Variants in DPY19L3 observed in about 807,000 individuals in gnomAD.
DPY19L3 encodes the protein protein C-mannosyl-transferase DPY19L3.
Under a neutral mutation model 92.3 loss-of-function variants are expected in DPY19L3, and 51 were observed. That is an observed-to-expected ratio of 0.55 (90% CI 0.44 to 0.70). The LOEUF (loss-of-function observed/expected upper bound fraction) is 0.70. Among genes scored for constraint, DPY19L3 ranks in the 30% least tolerant of loss-of-function variants. The probability of loss-of-function intolerance (pLI) is 0.00; values close to 1 mark genes in which losing one functional copy is unlikely to be tolerated. For missense variants in DPY19L3, 706 were observed against 855.9 expected, an observed-to-expected ratio of 0.82 and a Z score of 2.18; for synonymous variants, 309 against 315.2, an observed-to-expected ratio of 0.98 and a Z score of 0.21.
chr19:32,427,277 G>A lies in DPY19L3; in HGVS notation c.238-5439G>A, dbSNP rs148275122. Among the ~76,000 whole-genome samples, 174 of 152,280 alleles carry A rather than the reference G, an allele frequency of 1.1e-3. 3 individuals are homozygous for A. The Middle Eastern group carries it at 0.051, about 45-fold the overall frequency. The stretch of plus-strand genomic sequence containing the variant: ...TCTAAAGTGCTGGGGTTATAAGCGT[G>A]AGCCACCGCACCCCCGCATTCTTCT... On this transcript the variant is annotated intron_variant, in intron 3 of 18. Transcript: ENST00000392250.
At position 32,480,555 on chromosome 19, in the gene DPY19L3, C is replaced by A; in HGVS notation, c.1987C>A (p.His663Asn). The A allele has an allele frequency of 6.2e-7, 1 of 1,611,806 alleles. No homozygotes were observed. The highest frequency in any genetic ancestry group is 8.5e-7 in the Non-Finnish European group (1 of 1,178,928). Residue 663 changes from histidine (H) to asparagine (N), a missense_variant and splice_region_variant, in exon 18 of 19, where the codon CAC becomes AAC. By Grantham distance (68) the His-to-Asn change is moderately conservative. Transcript: ENST00000392250. ...LRDLLDIANG[H>N]MMDGPGENDP... ...GGACCTGCTGGACATTGCCAACGGC[C>A]ACGTGAGCATGCTGCCTCTCCCTGT...
chr19:32,468,874 A>G lies in DPY19L3; in HGVS notation c.1697+61A>G, dbSNP rs757199882. ...TGCCTTTTAAGAGTCACTATAGACCACATTTCGTTTTGGGGGTTTTTTGTT... is the reference window on the plus strand; with the variant it reads ...TGCCTTTTAAGAGTCACTATAGACCGCATTTCGTTTTGGGGGTTTTTTGTT... On this transcript the variant is annotated intron_variant, in intron 16 of 18. Coordinates refer to ENST00000392250, the MANE Select transcript of DPY19L3 (RefSeq NM_001172774.2). 507 of 1,501,882 alleles carry G rather than the reference A, an allele frequency of 3.4e-4. 2 individuals carry two copies. The highest frequency in any genetic ancestry group is 9.9e-5 in the Non-Finnish European group (110 of 1,114,152). 93.0% of individuals were successfully genotyped at this position (1,501,882 alleles called of 1,614,324 possible).
intron 8 of DPY19L3, among the ~76,000 whole-genome samples, chr19:32,448,014 A>ATT (rs1969573011): frequency 1.3e-5 from 2 of 152,150 alleles, no homozygotes; most frequent in Non-Finnish European, 1.5e-5. Context: ...TATAATTCAC[A>ATT]TTGAGTGATA....
chr19:32,445,463 C>CAAAAAAAAAAAAAAAAA (rs1969467435), intron 8 of DPY19L3, among the ~76,000 whole-genome samples: 2 of 32,754 alleles, frequency 6.1e-5, no homozygotes, highest in East Asian at 8.7e-4. Context: ...AAAAAAAAAC[C>CAAAAAAAAAAAAAAAAA]ATCAACCTAC....
intron 15 of DPY19L3, 192 bp from the exon 16 acceptor site, chr19:32,468,539 A>G (rs1970262695): frequency 1.6e-6 from 2 of 1,237,010 alleles, no homozygotes; most frequent in Non-Finnish European, 1.0e-6. Context: ...AGATAATTTC[A>G]GAAACTTCCC....
intron 3 of DPY19L3, among the ~76,000 whole-genome samples, chr19:32,419,732 C>T (rs1394617240): frequency 6.6e-6 from 1 of 152,280 alleles, no homozygotes; most frequent in East Asian, 1.9e-4. Flanking sequence ...CAATGCCTGA[C>T]CTACATATTC....
chr19:32,467,631 T>C (rs1314243736), intron 15 of DPY19L3: 1 of 987,520 alleles, frequency 1.0e-6, no homozygotes, highest in Non-Finnish European at 1.2e-6. Context: ...AATCAGGTGC[T>C]GCTTTGATTC....
intron 15 of DPY19L3, among the ~76,000 whole-genome samples, chr19:32,466,176 A>G (rs982253959): frequency 6.6e-6 from 1 of 152,162 alleles, no homozygotes; most frequent in Non-Finnish European, 1.5e-5. Context: ...TTTGTTCGTA[A>G]TAAAATTGAG....
At chr19:32,450,709 A>G (rs1969672146) in intron 8 of DPY19L3, among the ~76,000 whole-genome samples, 2 of 152,178 alleles carry the variant, frequency 1.3e-5, no homozygotes, top group African/African-American at 2.4e-5. Context: ...AGCTGGGGGT[A>G]GGGGATGATG....
At chr19:32,412,058 T>C (rs1968202679) in intron 3 of DPY19L3, 1 of 152,274 alleles carries the variant, frequency 6.6e-6, no homozygotes. Flanking sequence ...GATTTTTTTG[T>C]AGAGACAGGG....
At chr19:32,451,926 C>T (rs945275505) in intron 8 of DPY19L3, among the ~76,000 whole-genome samples, 3 of 152,060 alleles carry the variant, frequency 2.0e-5, no homozygotes, top group African/African-American at 7.2e-5. Flanking sequence ...CCTCAACCTC[C>T]TGGACTCAAG....
chr19:32,462,040 G>T (rs1970056519), intron 12 of DPY19L3, among the ~76,000 whole-genome samples: 1 of 151,984 alleles, frequency 6.6e-6, no homozygotes, highest in African/African-American at 2.4e-5. Flanking sequence ...ATATCCCTGT[G>T]ATAAAGTTTA....
At chr19:32,435,888 G>T (rs1969122003) in intron 4 of DPY19L3, among the ~76,000 whole-genome samples, 1 of 152,212 alleles carries the variant, frequency 6.6e-6, no homozygotes, top group Non-Finnish European at 1.5e-5. Flanking sequence ...CTGTGAGGGA[G>T]CTGCAGCTCT....
chr19:32,462,629 CAT>C (rs1970075391), intron 12 of DPY19L3, among the ~76,000 whole-genome samples: 1 of 152,094 alleles, frequency 6.6e-6, no homozygotes, highest in African/African-American at 2.4e-5. Context: ...AGCTTCAGGA[CAT>C]ATGTTCTCTA....
intron 3 of DPY19L3, among the ~76,000 whole-genome samples, chr19:32,423,628 A>G (rs1968655432): frequency 6.6e-6 from 1 of 151,476 alleles, no homozygotes; most frequent in Non-Finnish European, 1.5e-5. Context: ...AAGAATGCCA[A>G]CATAAGTAAT....
chr19:32,480,583 G>A (rs1448567491), intron 18 of DPY19L3, 26 bp downstream of exon 18: 10 of 1,602,900 alleles, frequency 6.2e-6, no homozygotes, highest in Non-Finnish European at 7.7e-6. Flanking sequence ...CTCCCTGTGT[G>A]GGGGTCTCCT....
intron 3 of DPY19L3, among the ~76,000 whole-genome samples, chr19:32,415,891 G>C (rs1335664042): frequency 6.6e-6 from 1 of 152,184 alleles, no homozygotes; most frequent in Non-Finnish European, 1.5e-5. Flanking sequence ...GTCACTAGAA[G>C]GCTACTTGGA....
chr19:32,463,272 TA>T, intron 12 of DPY19L3, 93 bp from the exon 13 acceptor site: 2 of 1,350,008 alleles, frequency 1.5e-6, no homozygotes, highest in Non-Finnish European at 2.1e-6. Context: ...TCTGAATACA[TA>T]AAGGCATACA....
intron 12 of DPY19L3, among the ~76,000 whole-genome samples, chr19:32,461,308 T>A (rs1970033585): frequency 1.3e-5 from 2 of 152,250 alleles, no homozygotes; most frequent in Admixed American, 6.5e-5. Flanking sequence ...ATGACTTTTA[T>A]GTAGACATCT....
Sources: gnomAD v4.1 joint callset for allele counts (sites outside exome capture counted in the v4.1 genomes callset) on GRCh38, gnomAD v4.1.1 for gene constraint, MANE v1.5 for transcripts, NCBI Gene and HGNC (gene_info 2026-07-23, HGNC 2026-07-21) for gene names.